ST3GAL5: variants seen among roughly 807,000 people sequenced by gnomAD.
The protein encoded by ST3GAL5 is lactosylceramide alpha-2,3-sialyltransferase.
Under a neutral mutation model 46.1 loss-of-function variants are expected in ST3GAL5, and 25 were observed. The observed-to-expected ratio is 0.54, with a 90% CI of 0.40 to 0.76. ST3GAL5 has a LOEUF of 0.76. ST3GAL5 is among the 30% of genes least tolerant of loss of function. ST3GAL5 has a pLI of 0.00. For missense variants in ST3GAL5, 431 were observed against 521.2 expected, an observed-to-expected ratio of 0.83 and a Z score of 1.69; for synonymous variants, 182 against 192.7, an observed-to-expected ratio of 0.94 and a Z score of 0.46.
At position 85,879,320 on chromosome 2, in the gene ST3GAL5, C is replaced by T. The variant is rs78865133; in HGVS notation, c.82+9504G>A. 4.7e-3 allele frequency among the ~76,000 whole-genome samples: 708 copies of T among 152,240 alleles called. 1 individual carries two copies. Among genetic ancestry groups the T allele is most frequent in the Non-Finnish European group, 7.6e-3 (514 of 68,002 alleles). ...TAGCACTGGGCCAGCCAAGACCCATCCTGTGTAACAAATTCAGGTGGCTAA... is the reference window on the plus strand; with the variant it reads ...TAGCACTGGGCCAGCCAAGACCCATTCTGTGTAACAAATTCAGGTGGCTAA... On this transcript the variant is annotated intron_variant, in intron 1 of 6. Transcript: ENST00000638572.
intron 1 of ST3GAL5, among the ~76,000 whole-genome samples, chr2:85,880,057 C>T (rs1374930003): frequency 6.6e-6 from 1 of 152,178 alleles, no homozygotes; most frequent in African/African-American, 2.4e-5. Flanking sequence ...TTTCCAATAA[C>T]CCATGGTATT....
chr2:85,851,119 G>T, intron 3 of ST3GAL5: 1 of 342,208 alleles, frequency 2.9e-6, no homozygotes, highest in Non-Finnish European at 4.2e-6. Flanking sequence ...GTTTCACCAT[G>T]TTGGTCAGGC....
Position 85,850,921 on chromosome 2 carries a change from C to CTT in ST3GAL5, c.319-2719_319-2718dup, listed in dbSNP as rs34082565. On this transcript the variant is annotated intron_variant, in intron 3 of 6. Coordinates refer to ENST00000638572, the MANE Select transcript of ST3GAL5 (RefSeq NM_003896.4). The stretch of plus-strand genomic sequence containing the variant: ...AAACTTAATTTTCTTCTTTTTTTTT[C>CTT]TTTTTTTTTTTTTGAGACAGAGTCT... 39 of 141,990 alleles carry CTT rather than the reference C, an allele frequency of 2.7e-4. 1 individual carries two copies. Among genetic ancestry groups the CTT allele is most frequent in the East Asian group, 2.5e-3 (12 of 4,866 alleles). 8.8% of individuals were successfully genotyped at this position (141,990 alleles called of 1,614,324 possible). A position where few individuals can be genotyped will look rare whatever the true frequency, so the allele number is the denominator to read the frequency against.
chr2:85,868,324 T>C (rs1378259362), intron 1 of ST3GAL5, among the ~76,000 whole-genome samples: 3 of 152,220 alleles, frequency 2.0e-5, no homozygotes, highest in Non-Finnish European at 4.4e-5. Flanking sequence ...TGGTTTGAGA[T>C]GGGATCTTGC....
chr2:85,844,313 G>T lies in ST3GAL5; in HGVS notation c.1008+83C>A, dbSNP rs527373160. ...GGTTTCTCCACTGGAGATGCTTCTG[G>T]GTATACAGTTGAGCCAAAGTGAAAT... On this transcript the variant is annotated intron_variant, in intron 6 of 6. Coordinates refer to ENST00000638572, the MANE Select transcript of ST3GAL5 (RefSeq NM_003896.4). 8.4e-4 allele frequency: 1,322 copies of T among 1,576,876 alleles called. 1 individual carries two copies. The highest frequency in any genetic ancestry group is 1.9e-3 in the Admixed American group (116 of 59,696).
intron 4 of ST3GAL5, chr2:85,846,920 A>G: frequency 4.7e-6 from 1 of 214,278 alleles, no homozygotes; most frequent in Non-Finnish European, 9.4e-6. Context: ...ATTTCAAAAA[A>G]GGAATCAGAA....
At chr2:85,852,758 AT>A in intron 3 of ST3GAL5, 1 of 635,626 alleles carries the variant, frequency 1.6e-6, no homozygotes. Flanking sequence ...AAAAAAAATA[AT>A]CAGGAGATCT....
At chr2:85,873,211 C>T (rs1573692298) in intron 1 of ST3GAL5, among the ~76,000 whole-genome samples, 1 of 152,030 alleles carries the variant, frequency 6.6e-6, no homozygotes, top group Admixed American at 6.6e-5. Context: ...CTGGCCCCCT[C>T]GCCTGGAGAT....
chr2:85,865,271 C>G (rs1685172248), intron 1 of ST3GAL5, among the ~76,000 whole-genome samples: 1 of 152,132 alleles, frequency 6.6e-6, no homozygotes, highest in African/African-American at 2.4e-5. Context: ...GAAGTTATAT[C>G]TCATTCATTA....
In ST3GAL5 at chr2:85,883,904, G is replaced by A. The variant is rs375459725; in HGVS notation, c.82+4920C>T. On this transcript the variant is annotated intron_variant, in intron 1 of 6. Coordinates refer to ENST00000638572, the MANE Select transcript of ST3GAL5 (RefSeq NM_003896.4). Reference sequence around the variant, plus strand: ...TGTGGAGCTCCAGGGAAGTGATGACGGCACTGCCCAGGAGCCCACTCACCT... The same window carrying A: ...TGTGGAGCTCCAGGGAAGTGATGACAGCACTGCCCAGGAGCCCACTCACCT... Among the ~76,000 whole-genome samples the A allele has an allele frequency of 5.3e-5, 8 of 152,228 alleles. No individual in the cohort carries two copies. The East Asian group carries it at 9.6e-4, about 18-fold the overall frequency.
chr2:85,868,621 CTTT>C (rs34467025), intron 1 of ST3GAL5, among the ~76,000 whole-genome samples: 1 of 139,746 alleles, frequency 7.2e-6, no homozygotes, highest in Non-Finnish European at 1.6e-5. Context: ...GGCAATTAAA[CTTT>C]TTTTTTTTTT....
At position 85,841,135 on chromosome 2, in the gene ST3GAL5, C is replaced by T. The variant is rs114968615; in HGVS notation, c.1009-743G>A. ...GGACCTTCCACGGTCCTTCCCAGGGCACAGTTTCTGGAGCCCATCCCTTCC... is the reference window on the plus strand; with the variant it reads ...GGACCTTCCACGGTCCTTCCCAGGGTACAGTTTCTGGAGCCCATCCCTTCC... On this transcript the variant is annotated intron_variant, in intron 6 of 6. Coordinates refer to ENST00000638572, the MANE Select transcript of ST3GAL5 (RefSeq NM_003896.4). Among the ~76,000 whole-genome samples the T allele has an allele frequency of 1.1e-3, 168 of 151,820 alleles. 1 individual carries two copies. Among genetic ancestry groups the T allele is most frequent in the African/African-American group, 3.8e-3 (157 of 41,380 alleles).
At chr2:85,852,825 C>T in intron 3 of ST3GAL5, 6 of 1,261,996 alleles carry the variant, frequency 4.8e-6, no homozygotes, top group Non-Finnish European at 6.3e-6. Flanking sequence ...TTTGTTAAAG[C>T]ATTTCTCCCT....
intron 1 of ST3GAL5, 125 bp downstream of exon 1, chr2:85,888,698 TG>T: frequency 1.4e-6 from 1 of 719,292 alleles, no homozygotes; most frequent in Non-Finnish European, 1.8e-6. Flanking sequence ...TGTCGTGCCC[TG>T]GGCGCTGCCC....
rs369127120 is a variant in ST3GAL5 at position 85,846,426 on chromosome 2, T to G, written c.800A>C (p.Lys267Thr). ...TTGAAGCCAGTTGAAATCAACACTC[T>G]TAAATAAAACAGCAACAAATAAGTC... ...SNDLFVAVLF[K>T]SVDFNWLQAM... The change falls in exon 5 of 7, where the codon AAG (lysine) becomes ACG (threonine). Residue 267 changes from lysine to threonine, a missense_variant. By Grantham distance (78) the Lys-to-Thr change is moderately conservative. Coordinates refer to ENST00000638572, the MANE Select transcript of ST3GAL5 (RefSeq NM_003896.4). 1 of 1,614,114 alleles carries G rather than the reference T, an allele frequency of 6.2e-7. No individual in the cohort carries two copies. The highest frequency in any genetic ancestry group is 1.3e-5 in the African/African-American group (1 of 74,936).
At chr2:85,842,918 G>A (rs953843991) in intron 6 of ST3GAL5, among the ~76,000 whole-genome samples, 3 of 151,942 alleles carry the variant, frequency 2.0e-5, no homozygotes, top group African/African-American at 7.3e-5. Flanking sequence ...GCGCCACCAC[G>A]CCTGGCTAAT....
At chr2:85,877,789 G>A (rs1686744495) in intron 1 of ST3GAL5, among the ~76,000 whole-genome samples, 1 of 152,072 alleles carries the variant, frequency 6.6e-6, no homozygotes, top group South Asian at 2.1e-4. Context: ...AACTAGGGCT[G>A]GATAAAACAG....
intron 1 of ST3GAL5, among the ~76,000 whole-genome samples, chr2:85,885,624 C>T (rs1472669064): frequency 6.6e-6 from 1 of 151,862 alleles, no homozygotes; most frequent in Non-Finnish European, 1.5e-5. Context: ...GTCAGGAAAT[C>T]GAGACCATCC....
intron 1 of ST3GAL5, among the ~76,000 whole-genome samples, chr2:85,879,650 C>G (rs774482415): frequency 1.3e-5 from 2 of 152,186 alleles, no homozygotes; most frequent in Non-Finnish European, 2.9e-5. Flanking sequence ...AAGGCAAAAT[C>G]TAGAAGCTAA....
Sources: gnomAD v4.1 joint callset for allele counts (sites outside exome capture counted in the v4.1 genomes callset) on GRCh38, gnomAD v4.1.1 for gene constraint, MANE v1.5 for transcripts, NCBI Gene and HGNC (gene_info 2026-07-23, HGNC 2026-07-21) for gene names.